CACNA1I: variants seen among roughly 807,000 people sequenced by gnomAD.
The protein encoded by CACNA1I is voltage-dependent T-type calcium channel subunit alpha-1I.
A neutral mutation model predicts 201.6 loss-of-function variants in CACNA1I; 74 were observed. The observed-to-expected ratio is 0.37, with a 90% CI of 0.30 to 0.45. CACNA1I has a LOEUF of 0.45. Among genes scored for constraint, CACNA1I ranks in the 20% least tolerant of loss-of-function variants. The pLI, the probability that CACNA1I is intolerant of heterozygous loss-of-function variation, is 1.00. For synonymous variants in CACNA1I, 1,431 were observed against 1,345.2 expected (o/e 1.06, Z -1.40); for missense variants, 2,346 against 3,138.1 (o/e 0.75, Z 6.03).
At chr22:39,610,372 T>C (rs1933351807) in intron 3 of CACNA1I, among the ~76,000 whole-genome samples, 1 of 151,996 alleles carries the variant, frequency 6.6e-6, no homozygotes, top group Non-Finnish European at 1.5e-5. Flanking sequence ...TGAGCTGCCG[T>C]TGGGTGGGCG....
intron 4 of CACNA1I, among the ~76,000 whole-genome samples, chr22:39,628,046 G>A (rs1314961596): frequency 2.0e-5 from 3 of 152,188 alleles, no homozygotes; most frequent in African/African-American, 7.2e-5. Flanking sequence ...GCTTGGGGGT[G>A]GGGCAGGGCA....
At chr22:39,587,162 A>C (rs944979132) in intron 1 of CACNA1I, among the ~76,000 whole-genome samples, 1 of 152,132 alleles carries the variant, frequency 6.6e-6, no homozygotes, top group African/African-American at 2.4e-5. Context: ...TGGGTACTGA[A>C]GCTTGCTAGG....
rs1935933562 is a variant in CACNA1I, at chr22:39,687,904, A to C, written c.*1499A>C. On this transcript the variant is annotated 3_prime_UTR_variant, in exon 37 of 37. Coordinates refer to ENST00000402142, the MANE Select transcript of CACNA1I (RefSeq NM_021096.4). ...GAGCATGTTGGTGGCAGTGATCTGG[A>C]GAGGCTGCAGGGGCCACGAGTTTGC... The C allele has an allele frequency of 6.6e-6, 1 of 152,228 alleles. No individual in the cohort carries two copies. The highest frequency in any genetic ancestry group is 1.5e-5 in the Non-Finnish European group (1 of 68,048). 9.4% of individuals were successfully genotyped at this position (152,228 alleles called of 1,614,324 possible). A position where few individuals can be genotyped will look rare whatever the true frequency, so the allele number is the denominator to read the frequency against.
At position 39,641,151 on chromosome 22, in the gene CACNA1I, A is replaced by G. The variant is rs1206112544; in HGVS notation, c.1025A>G (p.Asn342Ser). Residue 342 changes from asparagine to serine, a missense_variant, in exon 6 of 37, where the codon AAC becomes AGC. Asn to Ser is a conservative substitution (Grantham distance 46). Transcript: ENST00000402142. The stretch of plus-strand genomic sequence containing the variant: ...CACAAGGGTGCCATCAACTTTGACA[A>G]CATCGGTTATGCTTGGATTGTCATC... ...NPHKGAINFD[N>S]IGYAWIVIFQ... The G allele has an allele frequency of 6.2e-7, 1 of 1,613,738 alleles. No homozygotes were observed.
chr22:39,604,185 G>A (rs1194346171), intron 3 of CACNA1I, among the ~76,000 whole-genome samples: 2 of 152,108 alleles, frequency 1.3e-5, no homozygotes, highest in Non-Finnish European at 2.9e-5. Flanking sequence ...GCACCCCCAC[G>A]CTGCCCTTTT....
At chr22:39,651,448 G>A (rs1934646306) in intron 10 of CACNA1I, among the ~76,000 whole-genome samples, 1 of 152,234 alleles carries the variant, frequency 6.6e-6, no homozygotes. Flanking sequence ...AATTAAAAAG[G>A]TCTCTGGGGA....
At chr22:39,683,650 C>G (rs925494510) in intron 35 of CACNA1I, among the ~76,000 whole-genome samples, 2 of 152,218 alleles carry the variant, frequency 1.3e-5, no homozygotes, top group African/African-American at 4.8e-5. Context: ...CATTATCTCA[C>G]CCTCAACCTG....
Position 39,679,250 on chromosome 22 carries a change from G to T in CACNA1I, c.5199G>T (p.Leu1733=). Residue 1733 remains leucine (L), a synonymous_variant, in exon 32 of 37, where the codon CTG becomes CTT. Coordinates refer to ENST00000402142, the MANE Select transcript of CACNA1I (RefSeq NM_021096.4). ...TGGTGGCTGTGCTCATGAAGCACCT[G>T]GACGACAGCAACAAGGAGGCGCAGG... ...NVVVAVLMKH[L]DDSNKEAQED... 1 of 1,591,006 alleles carries T rather than the reference G, an allele frequency of 6.3e-7. No homozygotes were observed. The highest frequency in any genetic ancestry group is 8.5e-7 in the Non-Finnish European group (1 of 1,169,594).
chr22:39,577,239 T>G lies in CACNA1I; in HGVS notation c.236+6251T>G, dbSNP rs147517108. 1.5e-3 allele frequency among the ~76,000 whole-genome samples: 230 copies of G among 152,352 alleles called. 10 individuals carry two copies. In the East Asian group the frequency reaches 0.04, roughly 27 times the overall value. On this transcript the variant is annotated intron_variant, in intron 1 of 36. Coordinates refer to ENST00000402142, the MANE Select transcript of CACNA1I (RefSeq NM_021096.4). ...TAATAAGAGACGGGGTTTCACCATTTTAGCCAGGCTGGTCTTGAACTCCTG... is the reference window on the plus strand; with the variant it reads ...TAATAAGAGACGGGGTTTCACCATTGTAGCCAGGCTGGTCTTGAACTCCTG...
chr22:39,600,099 C>T (rs1433378778), intron 2 of CACNA1I, among the ~76,000 whole-genome samples: 2 of 152,144 alleles, frequency 1.3e-5, no homozygotes, highest in East Asian at 3.9e-4. Flanking sequence ...CTCTCTGAGT[C>T]TCTGTTTCCT....
In CACNA1I at chr22:39,648,141, C is replaced by T. The variant is rs1294160776; in HGVS notation, c.1567+215C>T. 6.6e-6 allele frequency among the ~76,000 whole-genome samples: 1 copy of T among 152,168 alleles called. No individual in the cohort carries two copies. Among genetic ancestry groups the T allele is most frequent in the African/African-American group, 2.4e-5 (1 of 41,450 alleles). On this transcript the variant is annotated intron_variant, in intron 9 of 36. Transcript: ENST00000402142. This position sits in a 1 kb window ranked among gnomAD's most constrained non-coding sequence, Gnocchi z 5.4. ...CACCCCAGGCCCTGCTCTGGAAAGCCCTGTCCTTCCAGCTCTCACAGTCTG... is the reference window on the plus strand; with the variant it reads ...CACCCCAGGCCCTGCTCTGGAAAGCTCTGTCCTTCCAGCTCTCACAGTCTG...
intron 11 of CACNA1I, 101 bp from the exon 12 acceptor site, chr22:39,658,830 C>T: frequency 1.0e-6 from 1 of 986,936 alleles, no homozygotes. Flanking sequence ...TGAATGGAAG[C>T]TCTGTCTCTC....
intron 1 of CACNA1I, among the ~76,000 whole-genome samples, chr22:39,588,314 AG>A (rs1932780888): frequency 6.8e-6 from 1 of 147,420 alleles, no homozygotes; most frequent in Admixed American, 6.8e-5. Flanking sequence ...TTTTTTATTG[AG>A]GTTAAATGTA....
At chr22:39,606,738 G>C (rs1933232358) in intron 3 of CACNA1I, among the ~76,000 whole-genome samples, 1 of 152,142 alleles carries the variant, frequency 6.6e-6, no homozygotes, top group Non-Finnish European at 1.5e-5. Flanking sequence ...CACCATGTTG[G>C]CCAGATTGGT....
intron 17 of CACNA1I, 67 bp from the exon 18 acceptor site, chr22:39,662,709 C>T (rs1935065131): frequency 1.7e-6 from 2 of 1,188,598 alleles, no homozygotes; most frequent in Non-Finnish European, 2.4e-6. Context: ...GGCGCGATGG[C>T]CGCATGGGCG....
At chr22:39,621,172 C>T (rs182381354) in intron 4 of CACNA1I, among the ~76,000 whole-genome samples, 106 of 152,362 alleles carry the variant, frequency 7.0e-4, no homozygotes, top group Admixed American at 4.5e-3. Context: ...CAAAGTCACA[C>T]AGCAATTCAG....
rs1334250401 is a variant in CACNA1I, at chr22:39,661,128, C to T, written c.2719C>T (p.Pro907Ser). ...TCCAGATCCCAAGCTCTGCCCAATCCCCATGACCCCCAATGGGCACCTGGA... is the reference window on the plus strand; with the variant it reads ...TCCAGATCCCAAGCTCTGCCCAATCTCCATGACCCCCAATGGGCACCTGGA... ...SSGDPKLCPI[P>S]MTPNGHLDPS... Residue 907 changes from proline (P) to serine (S), a missense_variant, in exon 16 of 37, where the codon CCC becomes TCC. Physicochemically the swap from Pro to Ser is moderately conservative, Grantham distance 74. Transcript: ENST00000402142. 1 of 1,613,380 alleles carries T rather than the reference C, an allele frequency of 6.2e-7. No homozygotes were observed. Among genetic ancestry groups the T allele is most frequent in the Non-Finnish European group, 8.5e-7 (1 of 1,179,726 alleles).
At chr22:39,623,962 GGTGT>G (rs1396175773) in intron 4 of CACNA1I, among the ~76,000 whole-genome samples, 23 of 147,872 alleles carry the variant, frequency 1.6e-4, no homozygotes, top group East Asian at 1.4e-3. Flanking sequence ...TGTGTGAAAG[GGTGT>G]GTATGTGTCA....
In CACNA1I at chr22:39,659,201, T is replaced by C; in HGVS notation, c.2330+85T>C. ...TGGGGGATGTGGTCCACTGTGCTTC[T>C]CTGGACAAAGCCACCTGGACCTGGG... On this transcript the variant is annotated intron_variant, in intron 12 of 36. Transcript: ENST00000402142. The surrounding 1 kb of genome is among the most constrained non-coding windows in gnomAD (Gnocchi z 4.3). 1 of 1,535,456 alleles carries C rather than the reference T, an allele frequency of 6.5e-7. No homozygotes were observed. The highest frequency in any genetic ancestry group is 2.3e-4 in the Middle Eastern group (1 of 4,434).
Sources: allele counts gnomAD v4.1 joint callset (sites outside exome capture counted in the v4.1 genomes callset), GRCh38; gene constraint gnomAD v4.1.1; non-coding constraint Gnocchi (gnomAD v3.1); transcripts MANE v1.5; gene names NCBI Gene and HGNC (gene_info 2026-07-23, HGNC 2026-07-21).